GRM5: variants seen among roughly 807,000 people sequenced by gnomAD.
GRM5 encodes metabotropic glutamate receptor 5.
In GRM5, 19 loss-of-function variants were observed where a neutral mutation model predicts 83.1. That is an observed-to-expected ratio of 0.23 (90% CI 0.16 to 0.34). The LOEUF (loss-of-function observed/expected upper bound fraction) is 0.34, where lower values mean the gene tolerates loss of function less well. Ranked by LOEUF, GRM5 falls within the 10% of genes least tolerant of loss-of-function variation. The pLI is 1.00. For missense variants in GRM5, 1,160 were observed against 1,588.3 expected (o/e 0.73, Z 4.58); for synonymous variants, 675 against 633.6 (o/e 1.07, Z -0.98).
At chr11:88,787,917 A>G (rs1222904399) in intron 3 of GRM5, among the ~76,000 whole-genome samples, 1 of 152,188 alleles carries the variant, frequency 6.6e-6, no homozygotes, top group Non-Finnish European at 1.5e-5. Flanking sequence ...TGGAGATGTC[A>G]CGTAGGCAGG....
chr11:88,598,595 G>T (rs1591372848), intron 5 of GRM5, among the ~76,000 whole-genome samples: 1 of 151,908 alleles, frequency 6.6e-6, no homozygotes, highest in Non-Finnish European at 1.5e-5. Flanking sequence ...TTCCCTCTCG[G>T]TCACAATTAT....
chr11:88,893,647 G>A (rs1165752744), intron 2 of GRM5, among the ~76,000 whole-genome samples: 1 of 152,040 alleles, frequency 6.6e-6, no homozygotes. Context: ...AGGAAAACCA[G>A]TATCACAACC....
chr11:88,990,363 A>T (rs1939921800), intron 2 of GRM5, among the ~76,000 whole-genome samples: 1 of 151,126 alleles, frequency 6.6e-6, no homozygotes, highest in Non-Finnish European at 1.5e-5. Flanking sequence ...AATTGTGGCA[A>T]TAATCAATAG....
chr11:88,600,460 T>G (rs979728814), intron 5 of GRM5, among the ~76,000 whole-genome samples: 1 of 151,892 alleles, frequency 6.6e-6, no homozygotes, highest in African/African-American at 2.4e-5. Context: ...CCCCTTACTC[T>G]CTAACTCCTC....
At chr11:88,656,952 A>G (rs2135311734) in intron 3 of GRM5, among the ~76,000 whole-genome samples, 1 of 152,214 alleles carries the variant, frequency 6.6e-6, no homozygotes, top group Non-Finnish European at 1.5e-5. Flanking sequence ...AGATTTTGGT[A>G]TTGGTGGGAT....
chr11:88,810,876 C>A (rs949280983), intron 3 of GRM5, among the ~76,000 whole-genome samples: 2 of 151,942 alleles, frequency 1.3e-5, no homozygotes, highest in African/African-American at 4.8e-5. Flanking sequence ...TCAAAGAGTT[C>A]AAAAAACTAT....
chr11:88,812,827 T>C (rs1943610146), intron 3 of GRM5, among the ~76,000 whole-genome samples: 1 of 152,122 alleles, frequency 6.6e-6, no homozygotes, highest in South Asian at 2.1e-4. Context: ...AAACATCCAA[T>C]TTTGCATGTA....
At chr11:88,958,849 A>G (rs1192035388) in intron 2 of GRM5, among the ~76,000 whole-genome samples, 3 of 152,174 alleles carry the variant, frequency 2.0e-5, no homozygotes, top group Non-Finnish European at 2.9e-5. Context: ...TGAAAATTGT[A>G]TATTTCCATA....
rs1347825154 is a variant in GRM5 at position 89,030,288 on chromosome 11, T to C, written c.661+16924A>G. 5.9e-5 allele frequency among the ~76,000 whole-genome samples: 9 copies of C among 152,186 alleles called. No homozygotes were observed. The East Asian group carries it at 1.7e-3, about 29-fold the overall frequency. On this transcript the variant is annotated intron_variant, in intron 2 of 9. Transcript: ENST00000305447. Reference sequence around the variant, plus strand: ...GGCCTTTATAAGAGAGCCCAAATGCTTTTTTTCTTATACAATATATTGTGT... The same window carrying C: ...GGCCTTTATAAGAGAGCCCAAATGCCTTTTTTCTTATACAATATATTGTGT...
intron 2 of GRM5, among the ~76,000 whole-genome samples, chr11:89,016,346 T>C (rs1161581653): frequency 6.6e-6 from 1 of 151,228 alleles, no homozygotes; most frequent in East Asian, 1.9e-4. Flanking sequence ...ATGGGAATAA[T>C]GGTTTTTCAT....
chr11:88,774,091 A>C (rs1942797319), intron 3 of GRM5, among the ~76,000 whole-genome samples: 1 of 152,176 alleles, frequency 6.6e-6, no homozygotes, highest in Non-Finnish European at 1.5e-5. Flanking sequence ...TGAGCATGGA[A>C]AGTTTCTCCA....
At chr11:88,957,446 T>G (rs188313400) in intron 2 of GRM5, among the ~76,000 whole-genome samples, 1 of 152,198 alleles carries the variant, frequency 6.6e-6, no homozygotes, top group Non-Finnish European at 1.5e-5. Flanking sequence ...TGTAAGTTTA[T>G]CTCAACAGTT....
Position 88,578,782 on chromosome 11 carries a change from A to G in GRM5, c.1691-10790T>C, listed in dbSNP as rs147823349. ...ATCAATGTGTAAGCCCTGGAATCTC[A>G]TTTTAAAAGAACCAGAACACAACAT... On this transcript the variant is annotated intron_variant, in intron 7 of 9. Coordinates refer to ENST00000305447, the MANE Select transcript of GRM5 (RefSeq NM_001143831.3). Among the ~76,000 whole-genome samples, 1,121 of 152,254 alleles carry G rather than the reference A, an allele frequency of 7.4e-3. 11 individuals are homozygous for G. The highest frequency in any genetic ancestry group is 0.026 in the African/African-American group (1,083 of 41,580).
chr11:88,975,859 T>C (rs774742614), intron 2 of GRM5, among the ~76,000 whole-genome samples: 51 of 152,246 alleles, frequency 3.3e-4, no homozygotes, highest in Non-Finnish European at 4.7e-4. Flanking sequence ...GTGCCTCCAC[T>C]AACCTTAGTT....
chr11:89,024,704 A>G (rs568344090), intron 2 of GRM5, among the ~76,000 whole-genome samples: 1 of 152,218 alleles, frequency 6.6e-6, no homozygotes. Flanking sequence ...TTTCAATGAC[A>G]TATTTTCAAT....
In GRM5 at chr11:88,973,126, G is replaced by T. The variant is rs1426912138; in HGVS notation, c.661+74086C>A. On this transcript the variant is annotated intron_variant, in intron 2 of 9. Transcript: ENST00000305447. ...AGTGGGCCTAAAAAGGGTATATCTG[G>T]GATAATTAGGAAAATGTAAGTGGGG... is the stretch of plus-strand genomic sequence containing the variant. 7.9e-5 allele frequency among the ~76,000 whole-genome samples: 12 copies of T among 152,156 alleles called. No individual in the cohort carries two copies. The East Asian group carries it at 2.3e-3, about 29-fold the overall frequency.
At chr11:88,591,971 G>T (rs1316141454) in intron 6 of GRM5, among the ~76,000 whole-genome samples, 1 of 152,130 alleles carries the variant, frequency 6.6e-6, no homozygotes. Context: ...TTTCTTAGGG[G>T]AGAAAACTAA....
intron 4 of GRM5, among the ~76,000 whole-genome samples, chr11:88,609,305 G>T (rs1178744133): frequency 6.6e-6 from 1 of 152,134 alleles, no homozygotes; most frequent in African/African-American, 2.4e-5. Context: ...CTTGATCTAT[G>T]TTGCAGCAAA....
chr11:88,973,487 G>A (rs969687150), intron 2 of GRM5, among the ~76,000 whole-genome samples: 10 of 152,110 alleles, frequency 6.6e-5, no homozygotes, highest in Non-Finnish European at 1.2e-4. Flanking sequence ...AGACAGAAGA[G>A]GAAAAGAAAG....
Sources: allele counts gnomAD v4.1 joint callset (sites outside exome capture counted in the v4.1 genomes callset), GRCh38; gene constraint gnomAD v4.1.1; transcripts MANE v1.5; gene names NCBI Gene and HGNC (gene_info 2026-07-23, HGNC 2026-07-21).